Variants in ENOX1 observed in about 807,000 individuals in gnomAD.
ENOX1 encodes candidate growth-related and time keeping constitutive hydroquinone (NADH) oxidase.
Under a neutral mutation model 82.5 loss-of-function variants are expected in ENOX1, and 42 were observed. That is an observed-to-expected ratio of 0.51 (90% CI 0.40 to 0.66). The LOEUF (loss-of-function observed/expected upper bound fraction) is 0.66, where lower values mean the gene tolerates loss of function less well. Ranked by LOEUF, ENOX1 falls within the 30% of genes least tolerant of loss-of-function variation. The pLI is 0.00. For synonymous variants in ENOX1, 271 were observed against 282.2 expected (o/e 0.96, Z 0.40); for missense variants, 608 against 811.6 (o/e 0.75, Z 3.05).
intron 3 of ENOX1, among the ~76,000 whole-genome samples, chr13:43,443,510 ACAT>A (rs1324427415): frequency 6.6e-6 from 1 of 152,234 alleles, no homozygotes; most frequent in African/African-American, 2.4e-5. Context: ...GTCCCGATGT[ACAT>A]CATCTACTAT....
chr13:43,699,561 G>A (rs60885954), intron 1 of ENOX1, among the ~76,000 whole-genome samples: 8,054 of 152,214 alleles, frequency 0.053, 208 homozygotes, highest in African/African-American at 0.076. Flanking sequence ...TATTTACTTT[G>A]CTGTAATTAC....
intron 3 of ENOX1, among the ~76,000 whole-genome samples, chr13:43,455,020 G>A (rs892528100): frequency 6.6e-6 from 1 of 151,900 alleles, no homozygotes; most frequent in Non-Finnish European, 1.5e-5. Flanking sequence ...TCTTTCCTGT[G>A]TTGGAGCCCC....
At chr13:43,505,320 G>A (rs916261831) in intron 2 of ENOX1, among the ~76,000 whole-genome samples, 5 of 151,912 alleles carry the variant, frequency 3.3e-5, no homozygotes, top group African/African-American at 7.2e-5. Flanking sequence ...TACAGCCTAA[G>A]TACATGTGAG....
chr13:43,672,724 GTT>G (rs2085327026), intron 1 of ENOX1, among the ~76,000 whole-genome samples: 1 of 152,064 alleles, frequency 6.6e-6, no homozygotes, highest in African/African-American at 2.4e-5. Flanking sequence ...AAGGTAAAAT[GTT>G]CTAACCTTTT....
At chr13:43,261,916 C>G (rs2875523) in intron 14 of ENOX1, among the ~76,000 whole-genome samples, 1 of 149,626 alleles carries the variant, frequency 6.7e-6, no homozygotes, top group Non-Finnish European at 1.5e-5. Flanking sequence ...GTGCAGCGCA[C>G]CAGCATGGCA....
At chr13:43,539,017 C>T (rs1205160698) in intron 2 of ENOX1, among the ~76,000 whole-genome samples, 2 of 151,998 alleles carry the variant, frequency 1.3e-5, no homozygotes, top group African/African-American at 2.4e-5. Flanking sequence ...GGATGGTGGT[C>T]TCGCTATGAT....
At chr13:43,332,500 A>G (rs1472148039) in intron 9 of ENOX1, among the ~76,000 whole-genome samples, 3 of 152,170 alleles carry the variant, frequency 2.0e-5, no homozygotes, top group African/African-American at 7.2e-5. Context: ...GTTTTAGGGA[A>G]TGGAATTTGA....
intron 5 of ENOX1, among the ~76,000 whole-genome samples, chr13:43,367,508 C>T (rs2050926476): frequency 6.6e-6 from 1 of 151,970 alleles, no homozygotes; most frequent in East Asian, 1.9e-4. Context: ...GAGAGATGCA[C>T]CTGCAAGTCA....
intron 3 of ENOX1, among the ~76,000 whole-genome samples, chr13:43,474,033 C>A (rs934643479): frequency 6.6e-6 from 1 of 152,116 alleles, no homozygotes; most frequent in African/African-American, 2.4e-5. Context: ...TATATTAGGA[C>A]ATCTATATTC....
chr13:43,220,003 G>T (rs2041702176), intron 16 of ENOX1, among the ~76,000 whole-genome samples: 1 of 152,182 alleles, frequency 6.6e-6, no homozygotes, highest in Non-Finnish European at 1.5e-5. Context: ...GCAGGGCACA[G>T]TGTTAGCACA....
rs1025755415 is a variant in ENOX1 at position 43,450,493 on chromosome 13, G to A, written c.-75+33516C>T. On this transcript the variant is annotated intron_variant, in intron 3 of 16. Coordinates refer to ENST00000690772, the MANE Select transcript of ENOX1 (RefSeq NM_001347969.2). ...CAGACCACACTGGGCTACCTGGGGA[G>A]GCACCAGGGTCAGTAGGAGGCAGAG... is the stretch of plus-strand genomic sequence containing the variant. Among the ~76,000 whole-genome samples, 3 of 152,154 alleles carry A rather than the reference G, an allele frequency of 2.0e-5. No homozygotes were observed. The East Asian group carries it at 5.8e-4, about 29-fold the overall frequency.
chr13:43,573,185 G>A (rs773170279), intron 2 of ENOX1, among the ~76,000 whole-genome samples: 1 of 152,118 alleles, frequency 6.6e-6, no homozygotes, highest in Non-Finnish European at 1.5e-5. Context: ...AATGACTGCC[G>A]GTCTGCTAGT....
chr13:43,660,686 AAG>A (rs1447405014), intron 2 of ENOX1, among the ~76,000 whole-genome samples: 1 of 152,222 alleles, frequency 6.6e-6, no homozygotes, highest in African/African-American at 2.4e-5. Context: ...ATTAACCTAA[AAG>A]AGAGTATTCA....
intron 2 of ENOX1, among the ~76,000 whole-genome samples, chr13:43,494,756 G>A (rs1380479962): frequency 2.0e-5 from 3 of 152,136 alleles, no homozygotes; most frequent in Non-Finnish European, 4.4e-5. Flanking sequence ...AATTAAAAGT[G>A]TTTTTGAAGA....
chr13:43,272,997 G>C lies in ENOX1; in HGVS notation c.1447-3420C>G, dbSNP rs1219309968. Among the ~76,000 whole-genome samples, 3 of 152,106 alleles carry C rather than the reference G, an allele frequency of 2.0e-5. No individual in the cohort carries two copies. The East Asian group carries it at 5.8e-4, about 29-fold the overall frequency. ...CTTCTCACTACACGCTCTCTCCAGG[G>C]GATCCTATTCACGCCCATGGCTTTA... On this transcript the variant is annotated intron_variant, in intron 12 of 16. Transcript: ENST00000690772.
At chr13:43,267,531 T>C (rs1441361983) in intron 13 of ENOX1, among the ~76,000 whole-genome samples, 1 of 152,232 alleles carries the variant, frequency 6.6e-6, no homozygotes, top group Non-Finnish European at 1.5e-5. Flanking sequence ...GGGTGTATCT[T>C]TCCCTGCATG....
chr13:43,344,418 T>C, intron 9 of ENOX1, 120 bp downstream of exon 9: 1 of 807,238 alleles, frequency 1.2e-6, no homozygotes, highest in Non-Finnish European at 2.0e-6. Context: ...AGTTTGCCAT[T>C]CAATATGGAG....
Position 43,716,788 on chromosome 13 carries a change from C to CAAA in ENOX1, c.-284-49247_-284-49245dup, listed in dbSNP as rs33980324. On this transcript the variant is annotated intron_variant, in intron 1 of 16. Transcript: ENST00000690772. ...AACACAATCCCATTTACAATACCCA[C>CAAA]AAAAAAAAAAAATGAATTACCTAGG... Among the ~76,000 whole-genome samples, 516 of 147,894 alleles carry CAAA rather than the reference C, an allele frequency of 3.5e-3. 4 individuals carry two copies. Among genetic ancestry groups the CAAA allele is most frequent in the Non-Finnish European group, 6.2e-3 (416 of 66,980 alleles).
chr13:43,366,360 C>A (rs530566290), intron 5 of ENOX1, among the ~76,000 whole-genome samples: 1 of 152,062 alleles, frequency 6.6e-6, no homozygotes. Flanking sequence ...CTGCAAGCTC[C>A]GCCTCCTGGG....
Sources: allele counts gnomAD v4.1 joint callset (sites outside exome capture counted in the v4.1 genomes callset), GRCh38; gene constraint gnomAD v4.1.1; transcripts MANE v1.5; gene names NCBI Gene and HGNC (gene_info 2026-07-23, HGNC 2026-07-21).